The following ACOT7 variants were observed in gnomAD, a reference collection of about 807,000 sequenced individuals.
The protein encoded by ACOT7 is cytosolic acyl coenzyme A thioester hydrolase.
In ACOT7, 12 loss-of-function variants were observed where a neutral mutation model predicts 40.2. That is an observed-to-expected ratio of 0.30 (90% confidence interval 0.19 to 0.48). The LOEUF (loss-of-function observed/expected upper bound fraction) is 0.48, where lower values mean the gene tolerates loss of function less well. ACOT7 is among the 20% of genes least tolerant of loss of function. ACOT7 has a pLI of 0.99. For missense variants in ACOT7, 395 were observed against 530.8 expected (o/e 0.74, Z 2.51); for synonymous variants, 228 against 219.5 (o/e 1.04, Z -0.34).
At chr1:6,308,361 C>T (rs1156448535) in intron 6 of ACOT7, among the ~76,000 whole-genome samples, 3 of 150,700 alleles carry the variant, frequency 2.0e-5, no homozygotes, top group African/African-American at 7.4e-5. Flanking sequence ...GGAACAGCCA[C>T]AGGCAGGGGG....
intron 7 of ACOT7, among the ~76,000 whole-genome samples, chr1:6,283,168 G>A (rs997632878): frequency 9.2e-5 from 14 of 152,270 alleles, no homozygotes; most frequent in South Asian, 8.3e-4. Flanking sequence ...AACAGAAAAC[G>A]TGTTTTTGTT....
At chr1:6,389,702 A>G (rs557398409) in intron 1 of ACOT7, among the ~76,000 whole-genome samples, 88 of 151,406 alleles carry the variant, frequency 5.8e-4, no homozygotes, top group African/African-American at 2.0e-3. Flanking sequence ...GAGAATCAGT[A>G]GAACCTCGAA....
In ACOT7 at chr1:6,281,258, C is replaced by T. The variant is rs1158101377; in HGVS notation, c.858G>A (p.Met286Ile). The T allele has an allele frequency of 1.2e-6, 2 of 1,614,026 alleles. No homozygotes were observed. The highest frequency in any genetic ancestry group is 8.5e-7 in the Non-Finnish European group (1 of 1,180,016). The change falls in exon 8 of 9, where the codon ATG becomes ATA. Residue 286 changes from methionine to isoleucine, a missense_variant. Met to Ile is a conservative substitution (Grantham distance 10). Transcript: ENST00000361521. ...CCATGGACTTATTGCTCGTGAAGGT[C>T]ATGCGTCCCGAGATGGTGATGACGC... The part of the protein sequence containing the change: ...KGCVITISGR[M>I]TFTSNKSMEI...
Position 6,268,704 on chromosome 1 carries a change from C to T in ACOT7, c.1015-4009G>A, listed in dbSNP as rs571139241. Among the ~76,000 whole-genome samples the T allele has an allele frequency of 5.4e-4, 83 of 152,370 alleles. 4 individuals carry two copies. Among genetic ancestry groups the T allele is most frequent in the South Asian group, 1.7e-3 (8 of 4,834 alleles). ...ACGGCCCGAACGGCAGGGAGATCTCCGCCCAAGAGCGAGAAAACCTCCAGG... is the reference window on the plus strand; with the variant it reads ...ACGGCCCGAACGGCAGGGAGATCTCTGCCCAAGAGCGAGAAAACCTCCAGG... On this transcript the variant is annotated intron_variant, in intron 8 of 8. Coordinates refer to ENST00000361521, the MANE Select transcript of ACOT7 (RefSeq NM_007274.4).
At position 6,272,889 on chromosome 1, in the gene ACOT7, C is replaced by CG. The variant is rs546659019; in HGVS notation, c.1015-8195dup. On this transcript the variant is annotated intron_variant, in intron 8 of 8. Coordinates refer to ENST00000361521, the MANE Select transcript of ACOT7 (RefSeq NM_007274.4). The stretch of plus-strand genomic sequence containing the variant: ...CTGAATCCTCTGGAAATCCCACCCA[C>CG]GGGCCTCTCCTGGTACAGCCCCCCT... Among the ~76,000 whole-genome samples the CG allele has an allele frequency of 3.9e-5, 6 of 152,358 alleles. No homozygotes were observed. In the East Asian group the frequency reaches 1.2e-3, roughly 29 times the overall value.
At chr1:6,344,379 G>A (rs1458626320) in intron 2 of ACOT7, among the ~76,000 whole-genome samples, 1 of 152,166 alleles carries the variant, frequency 6.6e-6, no homozygotes, top group African/African-American at 2.4e-5. Context: ...AGTGCCACGG[G>A]GACACCTGGT....
rs1642573510 is a variant in ACOT7 at position 6,393,482 on chromosome 1, G to GCCGACCCCGCCCCCGCGCCGGC, written c.-105_-84dup. Reference sequence around the variant, plus strand: ...GGGCAATCGAACGCGGCCTCCCCGCGCCGACCCCGCCCCCGCGCCGGCCCC... The same window carrying GCCGACCCCGCCCCCGCGCCGGC: ...GGGCAATCGAACGCGGCCTCCCCGCGCCGACCCCGCCCCCGCGCCGGCCCGACCCCGCCCCCGCGCCGGCCCC... On this transcript the variant is annotated 5_prime_UTR_variant, in exon 1 of 9. Transcript: ENST00000361521. 27 of 1,148,432 alleles carry GCCGACCCCGCCCCCGCGCCGGC rather than the reference G, an allele frequency of 2.4e-5. No homozygotes were observed. The highest frequency in any genetic ancestry group is 2.8e-5 in the Non-Finnish European group (26 of 917,588). The allele number at this position is 1,148,432 out of a possible 1,614,324, so 71.1% of individuals were successfully genotyped here. A position where few individuals can be genotyped will look rare whatever the true frequency, so the allele number is the denominator to read the frequency against.
rs1057514302 is a variant in ACOT7 at position 6,274,581 on chromosome 1, C to A, written c.1014+6521G>T. 6.6e-6 allele frequency among the ~76,000 whole-genome samples: 1 copy of A among 152,232 alleles called. No homozygotes were observed. Among genetic ancestry groups the A allele is most frequent in the Admixed American group, 6.5e-5 (1 of 15,290 alleles). The stretch of plus-strand genomic sequence containing the variant: ...GGAGGTCATAGGGCAGCAGCAGAAG[C>A]GAGGTGGGCACCATGTTCCAGAGCC... On this transcript the variant is annotated intron_variant, in intron 8 of 8. Coordinates refer to ENST00000361521, the MANE Select transcript of ACOT7 (RefSeq NM_007274.4). The surrounding 1 kb of genome is among the most constrained non-coding windows in gnomAD (Gnocchi z 5.9).
At chr1:6,378,332 G>A (rs1270398253) in intron 1 of ACOT7, among the ~76,000 whole-genome samples, 1 of 151,770 alleles carries the variant, frequency 6.6e-6, no homozygotes, top group Non-Finnish European at 1.5e-5. Flanking sequence ...AGATGGTCCA[G>A]TCCCCCAGTG....
At chr1:6,322,056 C>A (rs1034890358) in intron 5 of ACOT7, among the ~76,000 whole-genome samples, 10 of 152,214 alleles carry the variant, frequency 6.6e-5, no homozygotes, top group African/African-American at 2.4e-4. Context: ...GAGCAGGCAT[C>A]CCCTCCCTTG....
rs916275196 is a variant in ACOT7, at chr1:6,311,786, G to A, written c.712+6706C>T. 1.9e-4 allele frequency among the ~76,000 whole-genome samples: 29 copies of A among 152,178 alleles called. No individual in the cohort carries two copies. The highest frequency in any genetic ancestry group is 1.9e-4 in the East Asian group (1 of 5,198). On this transcript the variant is annotated intron_variant, in intron 6 of 8. Transcript: ENST00000361521. This position sits in a 1 kb window ranked among gnomAD's most constrained non-coding sequence, Gnocchi z 5.2. ...CCAGGAGCGCCCCTTTCTCACAGCC[G>A]TTTCTCTTTCCCAGGGTAGGACGTT...
chr1:6,366,803 GCAC>G (rs1486056199), intron 1 of ACOT7, among the ~76,000 whole-genome samples: 1 of 151,852 alleles, frequency 6.6e-6, no homozygotes, highest in African/African-American at 2.4e-5. Flanking sequence ...CTACAGGTGT[GCAC>G]CACCACACCA....
chr1:6,305,064 G>A (rs1434084216), intron 6 of ACOT7, among the ~76,000 whole-genome samples: 1 of 146,106 alleles, frequency 6.8e-6, no homozygotes, highest in African/African-American at 2.5e-5. Context: ...CGGCTGGCCG[G>A]GCGGGGGGCT....
At chr1:6,357,124 C>G (rs1032956726) in intron 1 of ACOT7, among the ~76,000 whole-genome samples, 11 of 152,094 alleles carry the variant, frequency 7.2e-5, no homozygotes, top group African/African-American at 2.7e-4. Context: ...GTAATCCCAG[C>G]TACCTGGGAG....
At chr1:6,342,098 C>T (rs1641292502) in intron 2 of ACOT7, among the ~76,000 whole-genome samples, 1 of 152,226 alleles carries the variant, frequency 6.6e-6, no homozygotes, top group Non-Finnish European at 1.5e-5. Context: ...ATTTATTTCT[C>T]ACAGTCCTGG....
At chr1:6,315,827 T>C (rs1163860932) in intron 6 of ACOT7, among the ~76,000 whole-genome samples, 1 of 150,918 alleles carries the variant, frequency 6.6e-6, no homozygotes, top group Non-Finnish European at 1.5e-5. Context: ...TTACAAATTG[T>C]GGGCAGAAAA....
chr1:6,305,382 C>A (rs901417813), intron 6 of ACOT7, among the ~76,000 whole-genome samples: 1 of 149,984 alleles, frequency 6.7e-6, no homozygotes, highest in African/African-American at 2.5e-5. Flanking sequence ...GGGGCTGACC[C>A]CCCCACCTCC....
chr1:6,268,921 A>G (rs1300352953), intron 8 of ACOT7, among the ~76,000 whole-genome samples: 1 of 151,988 alleles, frequency 6.6e-6, no homozygotes, highest in East Asian at 1.9e-4. Flanking sequence ...GGACCACCCA[A>G]CTCTGGGTCT....
chr1:6,322,194 A>T (rs1322985671), intron 5 of ACOT7, among the ~76,000 whole-genome samples: 1 of 129,546 alleles, frequency 7.7e-6, no homozygotes, highest in Non-Finnish European at 1.6e-5. Flanking sequence ...CCTGCACGCC[A>T]GCTCCCAGAG....
Sources: allele counts gnomAD v4.1 joint callset (sites outside exome capture counted in the v4.1 genomes callset), GRCh38; gene constraint gnomAD v4.1.1; non-coding constraint Gnocchi (gnomAD v3.1); transcripts MANE v1.5; gene names NCBI Gene and HGNC (gene_info 2026-07-23, HGNC 2026-07-21).